SORT1: variants seen among roughly 807,000 people sequenced by gnomAD.
SORT1 encodes sortilin.
A neutral mutation model predicts 101.7 loss-of-function variants in SORT1; 39 were observed. The observed-to-expected ratio is 0.38, with a 90% CI of 0.30 to 0.50. The LOEUF (loss-of-function observed/expected upper bound fraction) is 0.50. Among genes scored for constraint, SORT1 ranks in the 20% least tolerant of loss-of-function variants. The probability of loss-of-function intolerance (pLI) is 0.90; values close to 1 mark genes in which losing one functional copy is unlikely to be tolerated. For synonymous variants in SORT1, 396 were observed against 393.7 expected (o/e 1.01, Z -0.07); for missense variants, 878 against 1,040.4 (o/e 0.84, Z 2.15).
chr1:109,349,451 G>A (rs1263870241), intron 6 of SORT1, among the ~76,000 whole-genome samples: 4 of 152,012 alleles, frequency 2.6e-5, no homozygotes, highest in African/African-American at 9.7e-5. Context: ...ACAGAGTGGT[G>A]CTATAAAAAC....
At chr1:109,377,374 A>T (rs543821226) in intron 1 of SORT1, among the ~76,000 whole-genome samples, 1 of 152,000 alleles carries the variant, frequency 6.6e-6, no homozygotes, top group Admixed American at 6.6e-5. Context: ...TTTTCTTAGT[A>T]TTTTTTTTAA....
At chr1:109,392,633 C>T (rs1395941064) in intron 1 of SORT1, 2 of 984,886 alleles carry the variant, frequency 2.0e-6, no homozygotes, top group Non-Finnish European at 2.4e-6. Context: ...TCTGTCATAC[C>T]TGGCTAGCTT....
At chr1:109,339,927 T>C (rs751580065) in intron 10 of SORT1, among the ~76,000 whole-genome samples, 2 of 152,100 alleles carry the variant, frequency 1.3e-5, no homozygotes, top group Non-Finnish European at 2.9e-5. Flanking sequence ...GGCAGGCAGA[T>C]CACCTGAGGT....
At chr1:109,328,806 C>T (rs1306078279) in intron 11 of SORT1, among the ~76,000 whole-genome samples, 1 of 152,188 alleles carries the variant, frequency 6.6e-6, no homozygotes, top group Non-Finnish European at 1.5e-5. Context: ...GAAATAAGAT[C>T]CAGTCTTGTC....
intron 3 of SORT1, among the ~76,000 whole-genome samples, chr1:109,364,909 C>T (rs771545195): frequency 1.1e-4 from 16 of 152,008 alleles, no homozygotes; most frequent in Non-Finnish European, 2.2e-4. Flanking sequence ...TTACAGATGA[C>T]AAAAAAGACT....
chr1:109,317,824 T>C, intron 16 of SORT1, 29 bp downstream of exon 16: 1 of 1,370,594 alleles, frequency 7.3e-7, no homozygotes, highest in African/African-American at 1.4e-5. Context: ...ACCTCATCCA[T>C]CGTGACAAGG....
intron 3 of SORT1, among the ~76,000 whole-genome samples, chr1:109,360,444 T>C (rs1650642821): frequency 6.6e-6 from 1 of 151,972 alleles, no homozygotes; most frequent in South Asian, 2.1e-4. Flanking sequence ...GCAATTCTTC[T>C]GCCTTAGCCT....
chr1:109,338,501 T>G (rs1280553522), intron 10 of SORT1, among the ~76,000 whole-genome samples: 3 of 152,162 alleles, frequency 2.0e-5, no homozygotes, highest in Non-Finnish European at 2.9e-5. Flanking sequence ...TTTATTTGTA[T>G]AACTGGGCCT....
intron 14 of SORT1, among the ~76,000 whole-genome samples, chr1:109,324,371 C>T (rs554317833): frequency 7.9e-5 from 12 of 152,248 alleles, no homozygotes; most frequent in South Asian, 2.1e-4. Flanking sequence ...CTCCTGACCT[C>T]GTGATCTGCC....
chr1:109,349,651 A>G (rs1269344969), intron 6 of SORT1, among the ~76,000 whole-genome samples: 1 of 152,166 alleles, frequency 6.6e-6, no homozygotes, highest in Non-Finnish European at 1.5e-5. Context: ...ACATGCCTGT[A>G]GTCCCAGCTA....
intron 14 of SORT1, among the ~76,000 whole-genome samples, chr1:109,323,942 G>A (rs1647810643): frequency 6.6e-6 from 1 of 152,174 alleles, no homozygotes; most frequent in Admixed American, 6.5e-5. Flanking sequence ...AACGTCTTAT[G>A]GAAATGTGAG....
rs890960731 is a variant in SORT1, at chr1:109,314,363, A to G, written c.2379T>C (p.Ser793=). 3.7e-6 allele frequency: 6 copies of G among 1,613,980 alleles called. No homozygotes were observed. Among genetic ancestry groups the G allele is most frequent in the Non-Finnish European group, 5.1e-6 (6 of 1,179,988 alleles). The change falls in exon 19 of 20, where the codon TCT becomes TCC. Residue 793 remains serine (S), a synonymous_variant. Coordinates refer to ENST00000256637, the MANE Select transcript of SORT1 (RefSeq NM_002959.7). ...TGGCCTCTGCATGCTGCTGCAGCAC[A>G]GAGTATCGATGCACCAGGAACCTGT... is the stretch of plus-strand genomic sequence containing the variant. ...CGGRFLVHRY[S]VLQQHAEANG... is the part of the protein sequence containing the mutation.
chr1:109,317,050 A>G, intron 16 of SORT1, 92 bp from the exon 17 acceptor site: 1 of 812,642 alleles, frequency 1.2e-6, no homozygotes, highest in Non-Finnish European at 2.0e-6. Context: ...AAAGCTGCCG[A>G]AAAGCTTCCC....
chr1:109,335,476 TTCTC>T (rs1353399277), intron 11 of SORT1, among the ~76,000 whole-genome samples: 2 of 152,000 alleles, frequency 1.3e-5, no homozygotes, highest in Non-Finnish European at 2.9e-5. Context: ...AAGGCACACT[TTCTC>T]TCATCATTTG....
chr1:109,347,586 G>T, intron 6 of SORT1, 54 bp from the exon 7 acceptor site: 1 of 1,263,780 alleles, frequency 7.9e-7, no homozygotes, highest in Non-Finnish European at 1.2e-6. Context: ...CTGAAGGACT[G>T]TGTTGACCTT....
intron 3 of SORT1, among the ~76,000 whole-genome samples, chr1:109,361,809 A>G (rs1210585058): frequency 6.6e-6 from 1 of 152,224 alleles, no homozygotes; most frequent in Non-Finnish European, 1.5e-5. Flanking sequence ...AGTCATTTAT[A>G]GACATTCATA....
chr1:109,314,182 T>C (rs1306832570), intron 19 of SORT1, 79 bp downstream of exon 19: 2 of 1,477,060 alleles, frequency 1.4e-6, no homozygotes, highest in Non-Finnish European at 1.8e-6. Context: ...CATATCTTGA[T>C]CATGAATAGA....
intron 8 of SORT1, among the ~76,000 whole-genome samples, chr1:109,342,792 A>G (rs955332029): frequency 1.3e-5 from 2 of 152,110 alleles, no homozygotes; most frequent in African/African-American, 4.8e-5. Context: ...TGGCTGACGA[A>G]AAGAGTCTGT....
intron 7 of SORT1, among the ~76,000 whole-genome samples, chr1:109,346,676 C>T (rs1649619959): frequency 1.5e-5 from 2 of 136,958 alleles, no homozygotes; most frequent in South Asian, 5.3e-4. Context: ...ACCCAGGAGG[C>T]GGAGCTTGCA....
Sources: gnomAD v4.1 joint callset for allele counts (sites outside exome capture counted in the v4.1 genomes callset) on GRCh38, gnomAD v4.1.1 for gene constraint, MANE v1.5 for transcripts, NCBI Gene and HGNC (gene_info 2026-07-23, HGNC 2026-07-21) for gene names.